KANTR: variants seen among roughly 807,000 people sequenced by gnomAD.
KANTR encodes KANTR integral membrane protein, also known as KDM5C adjacent transcript.
chrX:53,143,361 G>T, downstream of KANTR: 1 of 747,951 alleles, frequency 1.3e-6, no homozygotes, highest in Non-Finnish European at 2.0e-6. Flanking sequence ...AGTTGGTCAG[G>T]TCCTGGCCAG....
chrX:53,109,770 T>TC (rs1933003919), intron 2 of KANTR, among the ~76,000 whole-genome samples: 1 of 108,623 alleles, frequency 9.2e-6, no homozygotes, highest in Non-Finnish European at 1.9e-5. Context: ...TTTTTTTTTT[T>TC]TGGAGACAGA....
At chrX:53,103,666 T>C (rs1488445282) in intron 2 of KANTR, among the ~76,000 whole-genome samples, 1 of 111,738 alleles carries the variant, frequency 8.9e-6, no homozygotes, top group African/African-American at 3.3e-5. Flanking sequence ...TGTTTCCTAC[T>C]TCTCTCCTGA....
chrX:53,132,577 G>A (rs1380784936), intron 2 of KANTR, among the ~76,000 whole-genome samples: 2 of 112,107 alleles, frequency 1.8e-5, no homozygotes, highest in Non-Finnish European at 3.8e-5. Flanking sequence ...CCTTTAGTGG[G>A]GATATGGGGG....
downstream of KANTR, chrX:53,143,509 G>A: frequency 1.7e-6 from 1 of 602,319 alleles, no homozygotes; most frequent in Admixed American, 2.3e-5. Flanking sequence ...CGGCCTGGAT[G>A]GCCACATACA....
intron 1 of KANTR, among the ~76,000 whole-genome samples, chrX:53,096,823 C>CA (rs1174066291): frequency 3.2e-4 from 32 of 99,788 alleles, no homozygotes; most frequent in South Asian, 9.0e-4. Flanking sequence ...GACCCTGTCT[C>CA]AAAAAAAAAA....
chrX:53,110,105 T>C (rs1933011406), intron 2 of KANTR, among the ~76,000 whole-genome samples: 1 of 111,613 alleles, frequency 9.0e-6, no homozygotes, highest in Admixed American at 9.5e-5. Flanking sequence ...ATATATAAGA[T>C]TGTGTCGTCT....
rs1268459211 is a variant in KANTR at position 53,141,322 on chromosome X, CCTT to C, written n.204-523_204-521del. On this transcript the variant is annotated intron_variant and non_coding_transcript_variant, in intron 2 of 2. Coordinates refer to the KANTR transcript ENST00000366185. Reference sequence around the variant, plus strand: ...GCTGCAGTATACAGCACTTCTCTGACCTTCTGTGGGAATCATTCGACTTAACCT... The same window carrying C: ...GCTGCAGTATACAGCACTTCTCTGACCTGTGGGAATCATTCGACTTAACCT... 2.7e-5 allele frequency among the ~76,000 whole-genome samples: 3 copies of C among 111,659 alleles called. No individual in the cohort carries two copies. In the East Asian group the frequency reaches 8.4e-4, roughly 31 times the overall value.
intron 1 of KANTR, among the ~76,000 whole-genome samples, chrX:53,097,350 GTTTT>G (rs781783647): frequency 1.5e-5 from 1 of 67,976 alleles, no homozygotes; most frequent in Non-Finnish European, 2.6e-5. Context: ...TTTGTTTTAA[GTTTT>G]TTTTTTTTTT....
chrX:53,142,949 G>T, downstream of KANTR: 1 of 815,109 alleles, frequency 1.2e-6, no homozygotes. Flanking sequence ...TGCTCTGGGG[G>T]CATGATGAAC....
At chrX:53,114,596 G>A (rs1297725217) in intron 2 of KANTR, among the ~76,000 whole-genome samples, 1 of 112,002 alleles carries the variant, frequency 8.9e-6, no homozygotes, top group Non-Finnish European at 1.9e-5. Flanking sequence ...ATGGGGTTTG[G>A]CCTGGAGCCT....
chrX:53,128,697 C>G (rs1198253771), downstream of KANTR, among the ~76,000 whole-genome samples: 1 of 111,076 alleles, frequency 9.0e-6, no homozygotes, highest in Non-Finnish European at 1.9e-5. Flanking sequence ...ATTATATTCT[C>G]TTATTTTTAA....
chrX:53,141,589 T>G (rs1167835415), intron 2 of KANTR, among the ~76,000 whole-genome samples: 2 of 110,360 alleles, frequency 1.8e-5, no homozygotes, highest in African/African-American at 3.3e-5. Flanking sequence ...TCCCTTCCTC[T>G]TTCCTTTTTT....
chrX:53,129,235 T>TTGTGTGTGTGTGTGTG (rs57493383), downstream of KANTR, among the ~76,000 whole-genome samples: 4,337 of 83,275 alleles, frequency 0.052, 136 homozygotes, highest in Non-Finnish European at 0.065. Flanking sequence ...GCCTGGCTAT[T>TTGTGTGTGTGTGTGTG]TGTGTGTGTG....
intron 2 of KANTR, among the ~76,000 whole-genome samples, chrX:53,108,981 C>G (rs1932990929): frequency 8.9e-6 from 1 of 112,372 alleles, no homozygotes; most frequent in East Asian, 2.8e-4. Context: ...GGATTACCAG[C>G]TTTGTTCTTT....
At chrX:53,136,728 ATATT>A (rs1449002978) in intron 2 of KANTR, among the ~76,000 whole-genome samples, 10 of 44,734 alleles carry the variant, frequency 2.2e-4, no homozygotes, top group African/African-American at 6.0e-4. Context: ...ATATATATAT[ATATT>A]TTGTTTGTTT....
At chrX:53,143,646 G>A (rs1462749185), downstream of KANTR, 8 of 738,023 alleles carry the variant, frequency 1.1e-5, no homozygotes, top group Non-Finnish European at 1.7e-5. Flanking sequence ...CGTTGTAGAA[G>A]GTGTGGTGCC....
At chrX:53,114,196 C>T (rs181747277) in intron 2 of KANTR, among the ~76,000 whole-genome samples, 1 of 111,155 alleles carries the variant, frequency 9.0e-6, no homozygotes, top group Non-Finnish European at 1.9e-5. Context: ...TGAGCCACCG[C>T]ACCAGGTTAA....
exon 3 of KANTR, chrX:53,124,321 T>G (rs1341412820): frequency 3.4e-6 from 1 of 295,701 alleles, no homozygotes; most frequent in Admixed American, 6.2e-5. Flanking sequence ...CTTCTCACTT[T>G]TTTTCTTGAT....
chrX:53,147,056 C>T (rs1325569735), downstream of KANTR, among the ~76,000 whole-genome samples: 4 of 111,875 alleles, frequency 3.6e-5, no homozygotes, highest in African/African-American at 1.3e-4. Context: ...GAACCTGCAT[C>T]AACCAACGAG....
Sources: allele counts gnomAD v4.1 joint callset (sites outside exome capture counted in the v4.1 genomes callset), GRCh38; gene constraint gnomAD v4.1.1; transcripts MANE v1.5; gene names NCBI Gene and HGNC (gene_info 2026-07-23, HGNC 2026-07-21).